The following FLYWCH2 variants were observed in gnomAD, a reference collection of about 807,000 sequenced individuals.
FLYWCH2 encodes the protein FLYWCH family member 2.
In FLYWCH2, 2 loss-of-function variants were observed where a neutral mutation model predicts 6.0. That is an observed-to-expected ratio of 0.33 (90% confidence interval 0.14 to 1.04). The LOEUF (loss-of-function observed/expected upper bound fraction) is 1.04, where lower values mean the gene tolerates loss of function less well. FLYWCH2 is among the 50% of genes least tolerant of loss of function. The probability of loss-of-function intolerance (pLI) is 0.45; values close to 1 mark genes in which losing one functional copy is unlikely to be tolerated. For synonymous variants in FLYWCH2, 87 were observed against 79.3 expected (o/e 1.10, Z -0.52); for missense variants, 192 against 183.4 (o/e 1.05, Z -0.27).
At chr16:2,885,965 C>T (rs1013818187) in intron 1 of FLYWCH2, among the ~76,000 whole-genome samples, 1 of 152,108 alleles carries the variant, frequency 6.6e-6, no homozygotes. Flanking sequence ...TATGAGGGTT[C>T]CAGTTTCTCC....
chr16:2,891,391 C>T (rs1289717524), intron 1 of FLYWCH2, among the ~76,000 whole-genome samples: 1 of 152,122 alleles, frequency 6.6e-6, no homozygotes. Context: ...CTCTCTCTCT[C>T]TATTTTATTT....
At chr16:2,886,149 G>T (rs1471327818) in intron 1 of FLYWCH2, among the ~76,000 whole-genome samples, 4 of 151,840 alleles carry the variant, frequency 2.6e-5, no homozygotes, top group Non-Finnish European at 5.9e-5. Context: ...AGAAAAGCCT[G>T]TTTGGAGCCT....
chr16:2,886,381 T>C (rs1378385298), intron 1 of FLYWCH2, among the ~76,000 whole-genome samples: 1 of 150,122 alleles, frequency 6.7e-6, no homozygotes, highest in Non-Finnish European at 1.5e-5. Context: ...ATAATTTTTG[T>C]ATTTTTAGTA....
At chr16:2,897,238 G>A (rs907086042) in intron 3 of FLYWCH2, among the ~76,000 whole-genome samples, 2 of 152,152 alleles carry the variant, frequency 1.3e-5, no homozygotes, top group Admixed American at 1.3e-4. Flanking sequence ...GGGCTCTGGA[G>A]ACTCGAGTCA....
rs76446842 is a variant in FLYWCH2 at position 2,899,268 on chromosome 16, C to CTTT, written c.*134_*136dup. ...CTTTTAACATTGTGTGATTTCTTTT[C>CTTT]TTTTTTTTTTTTTTTTTAGATCAAG... On this transcript the variant is annotated 3_prime_UTR_variant, in exon 4 of 4. Transcript: ENST00000396958. The CTTT allele has an allele frequency of 0.013, 5,460 of 422,460 alleles. 8 individuals are homozygous for CTTT. The highest frequency in any genetic ancestry group is 0.019 in the Middle Eastern group (32 of 1,644). The allele number at this position is 422,460 out of a possible 1,614,324, so 26.2% of individuals were successfully genotyped here.
intron 3 of FLYWCH2, 109 bp from the exon 4 acceptor site, chr16:2,898,940 G>C (rs2069852145): frequency 2.6e-6 from 2 of 781,748 alleles, no homozygotes; most frequent in Non-Finnish European, 4.0e-6. Flanking sequence ...TTCTGGCCCT[G>C]GAGCATCCAC....
At chr16:2,890,643 C>T (rs543189860) in intron 1 of FLYWCH2, among the ~76,000 whole-genome samples, 1 of 150,136 alleles carries the variant, frequency 6.7e-6, no homozygotes, top group African/African-American at 2.5e-5. Flanking sequence ...CAGGTTGTCT[C>T]GAACTCCTGA....
chr16:2,883,701 G>A (rs1247223663), intron 1 of FLYWCH2, among the ~76,000 whole-genome samples: 1 of 152,250 alleles, frequency 6.6e-6, no homozygotes, highest in Admixed American at 6.5e-5. Context: ...TTGCAGCTCG[G>A]GAGGTCCCTG....
intron 3 of FLYWCH2, chr16:2,898,747 ACTC>A (rs2069850160): frequency 2.0e-5 from 6 of 297,278 alleles, no homozygotes; most frequent in Middle Eastern, 9.4e-4. Context: ...CCATCTGCCA[ACTC>A]CTCCATCCTT....
At chr16:2,891,963 G>C (rs1209927539) in intron 1 of FLYWCH2, among the ~76,000 whole-genome samples, 1 of 151,314 alleles carries the variant, frequency 6.6e-6, no homozygotes, top group African/African-American at 2.4e-5. Context: ...AGGCTGAGGC[G>C]GGTGGATCAC....
At chr16:2,887,361 A>G (rs1210986487) in intron 1 of FLYWCH2, among the ~76,000 whole-genome samples, 12 of 131,378 alleles carry the variant, frequency 9.1e-5, no homozygotes, top group African/African-American at 3.5e-4. Flanking sequence ...AGGTCTCGCC[A>G]TGTTGCCCAG....
At chr16:2,895,996 G>A (rs1014082622) in intron 2 of FLYWCH2, among the ~76,000 whole-genome samples, 2 of 152,216 alleles carry the variant, frequency 1.3e-5, no homozygotes, top group Non-Finnish European at 2.9e-5. Flanking sequence ...ACAGGGGTGG[G>A]AGGTGGGACT....
chr16:2,887,017 T>G (rs1481919479), intron 1 of FLYWCH2, among the ~76,000 whole-genome samples: 1 of 152,156 alleles, frequency 6.6e-6, no homozygotes, highest in African/African-American at 2.4e-5. Flanking sequence ...TCCAGTTTAT[T>G]TCTTCATTGG....
At chr16:2,897,220 T>C (rs548213172) in intron 3 of FLYWCH2, among the ~76,000 whole-genome samples, 1 of 152,294 alleles carries the variant, frequency 6.6e-6, no homozygotes, top group South Asian at 2.1e-4. Flanking sequence ...AGCAGCTGTG[T>C]GCAGGCTGGG....
chr16:2,890,326 G>T (rs1484694360), intron 1 of FLYWCH2, among the ~76,000 whole-genome samples: 1 of 151,374 alleles, frequency 6.6e-6, no homozygotes, highest in Admixed American at 6.6e-5. Flanking sequence ...TTGGCTCACT[G>T]CAACCTCTGC....
chr16:2,885,200 T>G (rs2069684791), intron 1 of FLYWCH2, among the ~76,000 whole-genome samples: 1 of 151,982 alleles, frequency 6.6e-6, no homozygotes, highest in African/African-American at 2.4e-5. Context: ...CAGGCGCCTG[T>G]AGTCCCAGCT....
rs1373216795 is a variant in FLYWCH2, at chr16:2,890,615, A to G, written c.-199-4605A>G. ...TTTTTTTGTATTTTTAGTAGAGACG[A>G]GGTTTCACCGTGTTGGCCAGGTTGT... is the stretch of plus-strand genomic sequence containing the variant. On this transcript the variant is annotated intron_variant, in intron 1 of 3. Coordinates refer to ENST00000396958, the MANE Select transcript of FLYWCH2 (RefSeq NM_138439.3). Among the ~76,000 whole-genome samples, 50 of 149,160 alleles carry G rather than the reference A, an allele frequency of 3.4e-4. 1 individual carries two copies. Among genetic ancestry groups the G allele is most frequent in the Non-Finnish European group, 5.9e-4 (40 of 67,426 alleles).
intron 1 of FLYWCH2, among the ~76,000 whole-genome samples, chr16:2,885,089 A>G (rs975433350): frequency 1.1e-4 from 17 of 152,096 alleles, no homozygotes; most frequent in Non-Finnish European, 1.5e-4. Context: ...TTGGGAGGCC[A>G]AGGAGGGCGG....
intron 1 of FLYWCH2, among the ~76,000 whole-genome samples, chr16:2,884,579 A>AAAAAAAAAC (rs1285185165): frequency 1.5e-5 from 2 of 137,752 alleles, no homozygotes; most frequent in Non-Finnish European, 3.2e-5. Flanking sequence ...AAAAAAAAAT[A>AAAAAAAAAC]CAAAAATTAG....
Sources: gnomAD v4.1 joint callset for allele counts (sites outside exome capture counted in the v4.1 genomes callset) on GRCh38, gnomAD v4.1.1 for gene constraint, MANE v1.5 for transcripts, NCBI Gene and HGNC (gene_info 2026-07-23, HGNC 2026-07-21) for gene names.